CANX: variants seen among roughly 807,000 people sequenced by gnomAD.
CANX encodes calnexin.
Under a neutral mutation model 75.7 loss-of-function variants are expected in CANX, and 14 were observed. The observed-to-expected ratio is 0.19, with a 90% confidence interval of 0.12 to 0.29. The LOEUF is 0.29. Ranked by LOEUF, CANX falls within the 10% of genes least tolerant of loss-of-function variation. CANX has a pLI of 1.00. For missense variants in CANX, 567 were observed against 713.2 expected (o/e 0.79, Z 2.34); for synonymous variants, 227 against 236.9 (o/e 0.96, Z 0.38).
upstream of CANX, chr5:179,698,486 C>G: frequency 7.8e-7 from 1 of 1,289,350 alleles, no homozygotes; most frequent in Non-Finnish European, 1.0e-6. Flanking sequence ...GCGTTCGCTG[C>G]AACGGGCCCT....
chr5:179,713,352 G>T (rs145176328), intron 7 of CANX, among the ~76,000 whole-genome samples: 21 of 152,132 alleles, frequency 1.4e-4, no homozygotes, highest in Non-Finnish European at 2.5e-4. Flanking sequence ...GATTACAGGC[G>T]TGAGCCACTG....
chr5:179,724,367 C>T (rs1251440979), intron 12 of CANX, among the ~76,000 whole-genome samples: 1 of 152,204 alleles, frequency 6.6e-6, no homozygotes, highest in East Asian at 1.9e-4. Context: ...TTTCCAGCCT[C>T]AGCCTCTGCC....
At chr5:179,699,540 A>T (rs1365183680) in intron 1 of CANX, 5 of 152,244 alleles carry the variant, frequency 3.3e-5, no homozygotes. Context: ...AATGTTTACA[A>T]CTAGCGTTAC....
intron 1 of CANX, among the ~76,000 whole-genome samples, chr5:179,685,359 C>G (rs1441957736): frequency 6.6e-6 from 1 of 151,938 alleles, no homozygotes; most frequent in Non-Finnish European, 1.5e-5. Flanking sequence ...ACTGCAACCT[C>G]CACCTCAGCC....
At chr5:179,691,879 G>A (rs1308271301) in intron 1 of CANX, among the ~76,000 whole-genome samples, 4 of 151,924 alleles carry the variant, frequency 2.6e-5, no homozygotes, top group Admixed American at 6.6e-5. Context: ...CCGGGTTCAC[G>A]CCATTCTCCT....
intron 4 of CANX, 70 bp from the exon 5 acceptor site, chr5:179,708,169 T>G (rs1777290568): frequency 7.9e-7 from 1 of 1,264,888 alleles, no homozygotes; most frequent in South Asian, 1.3e-5. Context: ...CTAGGAGGTG[T>G]TTTTTTTGGC....
chr5:179,715,287 C>T (rs1777860108), intron 7 of CANX, among the ~76,000 whole-genome samples: 1 of 152,098 alleles, frequency 6.6e-6, no homozygotes, highest in African/African-American at 2.4e-5. Flanking sequence ...GTCTTAACAC[C>T]TTGGGAGGCT....
At chr5:179,709,827 C>A in intron 6 of CANX, 46 bp from the exon 7 acceptor site, 1 of 1,280,368 alleles carries the variant, frequency 7.8e-7, no homozygotes, top group Non-Finnish European at 1.1e-6. Flanking sequence ...TGCTTTTGAA[C>A]ACTTTGAGTA....
intron 1 of CANX, among the ~76,000 whole-genome samples, chr5:179,684,303 A>G (rs1289365546): frequency 6.6e-6 from 1 of 151,826 alleles, no homozygotes; most frequent in East Asian, 1.9e-4. Context: ...GGCTGGTCTC[A>G]GACTCCTGGG....
chr5:179,705,609 AGT>A, intron 1 of CANX, 68 bp from the exon 2 acceptor site: 4 of 1,054,598 alleles, frequency 3.8e-6, no homozygotes, highest in African/African-American at 1.6e-5. Context: ...TAAATGAGAG[AGT>A]GGTTAGTGAT....
At chr5:179,684,763 A>T (rs1301256548) in intron 1 of CANX, among the ~76,000 whole-genome samples, 2 of 151,376 alleles carry the variant, frequency 1.3e-5, no homozygotes, top group African/African-American at 4.9e-5. Context: ...TTACTTATTT[A>T]TTTATTTTTT....
In CANX at chr5:179,684,926, A is replaced by ATTTTTTTTTTTTTTTTTTT. The variant is rs71001039; in HGVS notation, c.-4+6161_-4+6179dup. On this transcript the variant is annotated intron_variant, in intron 1 of 14. Transcript: ENST00000681674. ...TGCCACCACACCTGGCTAATTTTGT[A>ATTTTTTTTTTTTTTTTTTT]TTTTTTTTTTTTTTTTTTTTTTTTT... Among the ~76,000 whole-genome samples the ATTTTTTTTTTTTTTTTTTT allele has an allele frequency of 1.4e-3, 67 of 49,142 alleles. 4 individuals are homozygous for ATTTTTTTTTTTTTTTTTTT. Among genetic ancestry groups the ATTTTTTTTTTTTTTTTTTT allele is most frequent in the South Asian group, 5.7e-3 (5 of 878 alleles). 32.2% of individuals were successfully genotyped at this position (49,142 alleles called of 152,430 possible). A position where few individuals can be genotyped will look rare whatever the true frequency, so the allele number is the denominator to read the frequency against.
At chr5:179,726,268 C>T (rs1778661203) in intron 13 of CANX, among the ~76,000 whole-genome samples, 1 of 151,408 alleles carries the variant, frequency 6.6e-6, no homozygotes, top group South Asian at 2.1e-4. Flanking sequence ...ACCTGGGTGA[C>T]AAGCAAAGTC....
At chr5:179,680,382 T>C (rs1252439330) in intron 1 of CANX, among the ~76,000 whole-genome samples, 1 of 152,148 alleles carries the variant, frequency 6.6e-6, no homozygotes, top group Non-Finnish European at 1.5e-5. Flanking sequence ...TTTGATAGAC[T>C]TGAACTAGCA....
At chr5:179,714,756 A>AT (rs1408673116) in intron 7 of CANX, among the ~76,000 whole-genome samples, 9 of 151,896 alleles carry the variant, frequency 5.9e-5, no homozygotes, top group Non-Finnish European at 1.2e-4. Flanking sequence ...TGACCTCGTG[A>AT]TTCGCCCGTC....
rs1268451787 is a variant in CANX at position 179,731,595 on chromosome 5, T to C, written c.*2951T>C. On this transcript the variant is annotated 3_prime_UTR_variant, in exon 15 of 15. Coordinates refer to ENST00000247461, the MANE Select transcript of CANX (RefSeq NM_001746.4). ...TTTGTATGAAGACATATTTGATTGT[T>C]GTTTTCTCTTGATTTTAAAATAAAA... is the stretch of plus-strand genomic sequence containing the variant. 1.3e-5 allele frequency among the ~76,000 whole-genome samples: 2 copies of C among 152,232 alleles called. No individual in the cohort carries two copies. The highest frequency in any genetic ancestry group is 2.9e-5 in the Non-Finnish European group (2 of 68,036).
At chr5:179,688,553 C>T (rs998425441) in intron 1 of CANX, among the ~76,000 whole-genome samples, 5 of 150,636 alleles carry the variant, frequency 3.3e-5, no homozygotes, top group Admixed American at 6.6e-5. Flanking sequence ...TTAGTAGAGA[C>T]GGGGTCTCAC....
In CANX at chr5:179,716,205, T is replaced by C. The variant is rs370497675; in HGVS notation, c.822T>C (p.Arg274=). ...TGACTCCTCCTGTAAATCCTTCACG[T>C]GAAATTGAGGACCCAGAAGACCGGA... ...NDMTPPVNPS[R]EIEDPEDRKP... Residue 274 remains arginine (R), a synonymous_variant, in exon 8 of 15, where the codon CGT becomes CGC. Coordinates refer to ENST00000247461, the MANE Select transcript of CANX (RefSeq NM_001746.4). 2 of 1,613,834 alleles carry C rather than the reference T, an allele frequency of 1.2e-6. No homozygotes were observed. The highest frequency in any genetic ancestry group is 2.7e-5 in the African/African-American group (2 of 74,916).
intron 1 of CANX, among the ~76,000 whole-genome samples, chr5:179,683,043 G>A (rs971638688): frequency 6.6e-5 from 10 of 152,228 alleles, no homozygotes; most frequent in Admixed American, 2.6e-4. Flanking sequence ...CTCACAAGCT[G>A]GGGCAGAGCC....
Sources: allele counts gnomAD v4.1 joint callset (sites outside exome capture counted in the v4.1 genomes callset), GRCh38; gene constraint gnomAD v4.1.1; transcripts MANE v1.5; gene names NCBI Gene and HGNC (gene_info 2026-07-23, HGNC 2026-07-21).